Variants in TRERF1 observed in about 807,000 individuals in gnomAD.
The protein encoded by TRERF1 is transcriptional regulating factor 1.
In TRERF1, 27 loss-of-function variants were observed where a neutral mutation model predicts 122.9. The ratio of observed to expected loss-of-function variants is 0.22; its 90% CI spans 0.16 to 0.30. The LOEUF (loss-of-function observed/expected upper bound fraction) is 0.30. Ranked by LOEUF, TRERF1 falls within the 10% of genes least tolerant of loss-of-function variation. The probability of loss-of-function intolerance (pLI) is 1.00; values close to 1 mark genes in which losing one functional copy is unlikely to be tolerated. For synonymous variants in TRERF1, 636 were observed against 641.7 expected (o/e 0.99, Z 0.13); for missense variants, 1,248 against 1,560.3 (o/e 0.80, Z 3.37).
chr6:42,244,046 T>C (rs2149601897), intron 14 of TRERF1, among the ~76,000 whole-genome samples: 1 of 151,520 alleles, frequency 6.6e-6, no homozygotes, highest in South Asian at 2.1e-4. Context: ...ACCTGGCTCA[T>C]TTTTTTCTAT....
intron 16 of TRERF1, 136 bp from the exon 17 acceptor site, chr6:42,233,064 A>C: frequency 1.1e-6 from 1 of 904,416 alleles, no homozygotes; most frequent in East Asian, 2.7e-5. Context: ...CAAATACCAC[A>C]ACCACAGATC....
At chr6:42,238,295 G>A (rs1714101060) in intron 15 of TRERF1, among the ~76,000 whole-genome samples, 2 of 152,124 alleles carry the variant, frequency 1.3e-5, no homozygotes, top group Admixed American at 6.5e-5. Context: ...CCATTGTTTG[G>A]CTTAAACATT....
intron 4 of TRERF1, among the ~76,000 whole-genome samples, chr6:42,284,234 T>A (rs1257821753): frequency 6.6e-6 from 1 of 150,564 alleles, no homozygotes; most frequent in Non-Finnish European, 1.5e-5. Context: ...ATTTTTAATT[T>A]TTTTTTTTTT....
chr6:42,399,767 T>C (rs1242286913), intron 2 of TRERF1, among the ~76,000 whole-genome samples: 2 of 152,176 alleles, frequency 1.3e-5, no homozygotes, highest in African/African-American at 2.4e-5. Flanking sequence ...AGACTAGAAC[T>C]GTGGCATTCT....
intron 17 of TRERF1, among the ~76,000 whole-genome samples, chr6:42,229,294 T>C (rs557922372): frequency 6.6e-6 from 1 of 152,042 alleles, no homozygotes; most frequent in Non-Finnish European, 1.5e-5. Flanking sequence ...CATACCACCA[T>C]GCCTGGCTAA....
At chr6:42,354,794 A>C (rs946355121) in intron 3 of TRERF1, among the ~76,000 whole-genome samples, 5 of 152,156 alleles carry the variant, frequency 3.3e-5, no homozygotes, top group Admixed American at 1.3e-4. Flanking sequence ...ATATATTTTA[A>C]TATCCAATAG....
chr6:42,383,806 A>G (rs1467464873), intron 2 of TRERF1, among the ~76,000 whole-genome samples: 1 of 152,170 alleles, frequency 6.6e-6, no homozygotes, highest in African/African-American at 2.4e-5. Flanking sequence ...CAACAGAAAC[A>G]TGGACAGACT....
intron 3 of TRERF1, among the ~76,000 whole-genome samples, chr6:42,335,422 A>C (rs1285136169): frequency 1.3e-5 from 2 of 152,208 alleles, no homozygotes; most frequent in Non-Finnish European, 2.9e-5. Flanking sequence ...TAACGCCACA[A>C]GACAATTCTG....
intron 15 of TRERF1, among the ~76,000 whole-genome samples, chr6:42,238,835 TCACACA>T (rs58223539): frequency 0.021 from 2,960 of 143,104 alleles, 101 homozygotes; most frequent in African/African-American, 0.07. Flanking sequence ...ATCATGCATT[TCACACA>T]CACACACACA....
At chr6:42,265,381 A>G (rs142759862) in intron 6 of TRERF1, among the ~76,000 whole-genome samples, 290 of 152,360 alleles carry the variant, frequency 1.9e-3, no homozygotes, top group Non-Finnish European at 3.0e-3. Flanking sequence ...CACTCAATAA[A>G]TACTGAATGA....
chr6:42,355,970 C>A (rs1770461890), intron 3 of TRERF1, among the ~76,000 whole-genome samples: 1 of 152,190 alleles, frequency 6.6e-6, no homozygotes, highest in South Asian at 2.1e-4. Flanking sequence ...TTGAGGCTGA[C>A]CAAGTTGGCA....
At chr6:42,447,863 C>T (rs1787812043) in intron 2 of TRERF1, among the ~76,000 whole-genome samples, 1 of 152,116 alleles carries the variant, frequency 6.6e-6, no homozygotes, top group African/African-American at 2.4e-5. Context: ...CACCATCATG[C>T]CCAGCTAATT....
chr6:42,297,055 C>T (rs917440089), intron 4 of TRERF1, among the ~76,000 whole-genome samples: 4 of 152,146 alleles, frequency 2.6e-5, no homozygotes, highest in East Asian at 1.9e-4. Flanking sequence ...CAACAGTTAT[C>T]GTGGGGAGAG....
chr6:42,301,465 T>G (rs1252950885), intron 3 of TRERF1, among the ~76,000 whole-genome samples: 1 of 152,184 alleles, frequency 6.6e-6, no homozygotes, highest in Non-Finnish European at 1.5e-5. Flanking sequence ...CCTGACCTCA[T>G]GATCTGCCCG....
In TRERF1 at chr6:42,258,342, C is replaced by T. The variant is rs1012344659; in HGVS notation, c.2270-141G>A. ...TGCCAGAGTTATCCTTGACAGTTTC[C>T]AGGGAGCTGGGTGGAGTATGGTGCA... On this transcript the variant is annotated intron_variant, in intron 9 of 17. Transcript: ENST00000372922. 6.7e-6 allele frequency: 5 copies of T among 743,896 alleles called. No homozygotes were observed. In the African/African-American group the frequency reaches 7.1e-5, roughly 11 times the overall value. The allele number at this position is 743,896 out of a possible 1,614,324, so 46.1% of individuals were successfully genotyped here.
intron 2 of TRERF1, among the ~76,000 whole-genome samples, chr6:42,394,928 C>A (rs1778329275): frequency 1.3e-5 from 2 of 152,198 alleles, no homozygotes; most frequent in Admixed American, 1.3e-4. Flanking sequence ...TCTTCACTAC[C>A]GCCCACCACA....
chr6:42,352,305 G>A (rs1581737591), intron 3 of TRERF1, among the ~76,000 whole-genome samples: 1 of 152,154 alleles, frequency 6.6e-6, no homozygotes, highest in Non-Finnish European at 1.5e-5. Flanking sequence ...TCATAATTTC[G>A]TGCTTTAATG....
chr6:42,282,054 T>C (rs1782395038), intron 4 of TRERF1, among the ~76,000 whole-genome samples: 1 of 152,218 alleles, frequency 6.6e-6, no homozygotes, highest in Non-Finnish European at 1.5e-5. Context: ...TTGGCCAGGC[T>C]GAACTACTGC....
intron 3 of TRERF1, among the ~76,000 whole-genome samples, chr6:42,347,518 A>G (rs1768527501): frequency 6.6e-6 from 1 of 152,186 alleles, no homozygotes; most frequent in Non-Finnish European, 1.5e-5. Flanking sequence ...CAAGAACTGT[A>G]CTGAGAGAAT....
Sources: gnomAD v4.1 joint callset for allele counts (sites outside exome capture counted in the v4.1 genomes callset) on GRCh38, gnomAD v4.1.1 for gene constraint, MANE v1.5 for transcripts, NCBI Gene and HGNC (gene_info 2026-07-23, HGNC 2026-07-21) for gene names.